The following BLTP3B variants were observed in gnomAD, a reference collection of about 807,000 sequenced individuals.
BLTP3B encodes bridge-like lipid transfer protein family member 3B.
At chr12:100,064,674 T>C in the BLTP3B span, among the ~76,000 whole-genome samples, 23 of 152,214 alleles carry the variant, frequency 1.5e-4, no homozygotes, top group Non-Finnish European at 3.1e-4. Flanking sequence ...AAGAATTCTT[T>C]ATCTAGTGAA....
At chr12:100,104,884 C>CAAAAAA in the BLTP3B span, among the ~76,000 whole-genome samples, 12 of 66,018 alleles carry the variant, frequency 1.8e-4, no homozygotes, top group East Asian at 7.1e-4. Context: ...ACTGCTACTA[C>CAAAAAA]AAAAAAAAAA....
chr12:100,071,604 T>TA, the BLTP3B span, among the ~76,000 whole-genome samples: 3 of 151,302 alleles, frequency 2.0e-5, no homozygotes, highest in Non-Finnish European at 4.4e-5. Flanking sequence ...GTTAGGAAGC[T>TA]AAAGAGTTTT....
At chr12:100,106,240 T>C in the BLTP3B span, among the ~76,000 whole-genome samples, 1 of 149,822 alleles carries the variant, frequency 6.7e-6, no homozygotes, top group Non-Finnish European at 1.5e-5. Flanking sequence ...AGTCACTATA[T>C]GAAAAAGACA....
At chr12:100,039,583 G>A in the BLTP3B span, 1 of 1,601,422 alleles carries the variant, frequency 6.2e-7, no homozygotes, top group East Asian at 2.2e-5. Context: ...ATCTGAATTA[G>A]GTTTCCCATT....
the BLTP3B span, chr12:100,058,618 A>C: frequency 6.2e-7 from 1 of 1,614,054 alleles, no homozygotes; most frequent in South Asian, 1.1e-5. Context: ...ACACTTTCAG[A>C]AACAGGAGAC....
At chr12:100,117,107 C>T in the BLTP3B span, among the ~76,000 whole-genome samples, 1 of 152,138 alleles carries the variant, frequency 6.6e-6, no homozygotes, top group East Asian at 1.9e-4. Flanking sequence ...ATAGAGAAAT[C>T]TTCCTGGCAG....
chr12:100,072,776 C>T, the BLTP3B span: 2 of 1,604,274 alleles, frequency 1.2e-6, no homozygotes, highest in Non-Finnish European at 8.5e-7. Flanking sequence ...GCAAATCATG[C>T]TTTTGGGGGA....
chr12:100,053,031 G>A, the BLTP3B span, among the ~76,000 whole-genome samples: 2 of 151,582 alleles, frequency 1.3e-5, no homozygotes, highest in Non-Finnish European at 1.5e-5. Flanking sequence ...CTGACTTCGC[G>A]ATCCACCCGC....
At chr12:100,108,779 A>T in the BLTP3B span, among the ~76,000 whole-genome samples, 1 of 152,234 alleles carries the variant, frequency 6.6e-6, no homozygotes, top group Non-Finnish European at 1.5e-5. Flanking sequence ...ACTGGAGGAC[A>T]CTACAGTTAA....
the BLTP3B span, among the ~76,000 whole-genome samples, chr12:100,106,336 C>G: frequency 1.1e-4 from 17 of 150,488 alleles, no homozygotes; most frequent in Non-Finnish European, 4.4e-5. Flanking sequence ...TGCACAATTG[C>G]AAAGATATGG....
At chr12:100,053,176 G>T in the BLTP3B span, among the ~76,000 whole-genome samples, 1 of 151,872 alleles carries the variant, frequency 6.6e-6, no homozygotes, top group Non-Finnish European at 1.5e-5. Context: ...AGGCTGAGGC[G>T]GGTGGATTAT....
the BLTP3B span, chr12:100,097,471 A>T: frequency 1.5e-5 from 24 of 1,612,264 alleles, no homozygotes; most frequent in Non-Finnish European, 2.0e-5. Flanking sequence ...CTCTATTCTT[A>T]TCATCTGCCA....
At chr12:100,038,134 T>C in the BLTP3B span, among the ~76,000 whole-genome samples, 5 of 152,194 alleles carry the variant, frequency 3.3e-5, no homozygotes, top group Admixed American at 1.3e-4. Flanking sequence ...TTTCAACCTA[T>C]GTATGCCCTT....
chr12:100,133,792 G>C, the BLTP3B span, among the ~76,000 whole-genome samples: 3 of 152,272 alleles, frequency 2.0e-5, no homozygotes, highest in Admixed American at 1.3e-4. Flanking sequence ...AAAGACACCT[G>C]CTATATACAG....
the BLTP3B span, chr12:100,058,087 C>A: frequency 6.2e-7 from 1 of 1,606,868 alleles, no homozygotes; most frequent in Non-Finnish European, 8.5e-7. Flanking sequence ...TTACTGATAT[C>A]CAGGTTTTCA....
At chr12:100,096,884 A>C in the BLTP3B span, among the ~76,000 whole-genome samples, 2 of 152,272 alleles carry the variant, frequency 1.3e-5, no homozygotes, top group East Asian at 3.9e-4. Context: ...GCTCAAGACC[A>C]GTCTGAGCAA....
At chr12:100,062,353 G>A in the BLTP3B span, among the ~76,000 whole-genome samples, 3 of 152,244 alleles carry the variant, frequency 2.0e-5, no homozygotes, top group South Asian at 4.1e-4. Context: ...ATGGTAAAAC[G>A]AAAGTTAAGA....
chr12:100,111,869 G>A, the BLTP3B span, among the ~76,000 whole-genome samples: 1 of 152,016 alleles, frequency 6.6e-6, no homozygotes, highest in Non-Finnish European at 1.5e-5. Flanking sequence ...CTCCCAAAGT[G>A]CTGGCTGGGA....
At chr12:100,112,797 T>C in the BLTP3B span, among the ~76,000 whole-genome samples, 1 of 137,100 alleles carries the variant, frequency 7.3e-6, no homozygotes, top group Non-Finnish European at 1.5e-5. Flanking sequence ...GAGGCGGAGG[T>C]GGCAGTGAGC....
Sources: gnomAD v4.1 joint callset for allele counts (sites outside exome capture counted in the v4.1 genomes callset) on GRCh38, gnomAD v4.1.1 for gene constraint, MANE v1.5 for transcripts, NCBI Gene and HGNC (gene_info 2026-07-23, HGNC 2026-07-21) for gene names.